Variants in NUP98 observed in about 807,000 individuals in gnomAD.
The protein encoded by NUP98 is nucleoporin 98 and 96 precursor.
A neutral mutation model predicts 191.9 loss-of-function variants in NUP98; 26 were observed. The ratio of observed to expected loss-of-function variants is 0.14; its 90% confidence interval spans 0.10 to 0.19. The LOEUF (loss-of-function observed/expected upper bound fraction) is 0.19, where lower values mean the gene tolerates loss of function less well. Among genes scored for constraint, NUP98 ranks in the 10% least tolerant of loss-of-function variants. The pLI is 1.00. For missense variants in NUP98, 1,941 were observed against 2,178.8 expected (o/e 0.89, Z 2.17); for synonymous variants, 808 against 778.4 (o/e 1.04, Z -0.63).
rs940821829 is a variant in NUP98, at chr11:3,676,495, G to A, written c.5185+14C>T. The A allele has an allele frequency of 6.2e-7, 1 of 1,609,402 alleles. No individual in the cohort carries two copies. Among genetic ancestry groups the A allele is most frequent in the African/African-American group, 1.3e-5 (1 of 74,782 alleles). On this transcript the variant is annotated intron_variant, in intron 32 of 32. Coordinates refer to ENST00000324932, the MANE Select transcript of NUP98 (RefSeq NM_016320.5). ...AGCAAGAAGGCAGAAAGAGTGAGGA[G>A]GTTAGAGGCTTACCTGACTGAGCCA...
chr11:3,794,889 A>G (rs1000090952), intron 1 of NUP98, among the ~76,000 whole-genome samples: 3 of 152,212 alleles, frequency 2.0e-5, no homozygotes, highest in Admixed American at 2.0e-4. Context: ...CTGGGATTAC[A>G]GTAGTCAGTC....
At chr11:3,699,594 C>T (rs1210413231) in intron 24 of NUP98, among the ~76,000 whole-genome samples, 1 of 152,144 alleles carries the variant, frequency 6.6e-6, no homozygotes, top group Non-Finnish European at 1.5e-5. Flanking sequence ...CAAATGTAAC[C>T]GTTAAACAGG....
chr11:3,690,966 C>T (rs2078293916), intron 28 of NUP98, among the ~76,000 whole-genome samples: 1 of 152,028 alleles, frequency 6.6e-6, no homozygotes, highest in Non-Finnish European at 1.5e-5. Context: ...AAATTCTAGA[C>T]CAGCAAAACT....
chr11:3,690,604 A>G (rs780530169), intron 28 of NUP98, among the ~76,000 whole-genome samples: 34 of 152,294 alleles, frequency 2.2e-4, no homozygotes, highest in South Asian at 1.0e-3. Flanking sequence ...TCACATATAC[A>G]CACACAAACC....
chr11:3,676,474 A>C, intron 32 of NUP98, 35 bp downstream of exon 32: 1 of 1,606,692 alleles, frequency 6.2e-7, no homozygotes, highest in Non-Finnish European at 8.5e-7. Flanking sequence ...ACAGGAAGCA[A>C]GAAGGCAGAA....
intron 20 of NUP98, chr11:3,711,768 C>A: frequency 1.3e-6 from 1 of 763,388 alleles, no homozygotes; most frequent in South Asian, 6.2e-5. Context: ...TTTCCAGTTT[C>A]CCACATTTAT....
chr11:3,717,167 G>C (rs1485892211), intron 18 of NUP98, among the ~76,000 whole-genome samples: 1 of 152,052 alleles, frequency 6.6e-6, no homozygotes, highest in Non-Finnish European at 1.5e-5. Context: ...GCGAATTTTT[G>C]TATTTTTAGT....
chr11:3,701,353 G>C (rs1431774301), intron 23 of NUP98, among the ~76,000 whole-genome samples: 1 of 149,872 alleles, frequency 6.7e-6, no homozygotes, highest in East Asian at 2.0e-4. Flanking sequence ...TCTGCCTCCT[G>C]GGTTCAAGGG....
intron 11 of NUP98, 76 bp from the exon 12 acceptor site, chr11:3,744,725 A>T: frequency 6.7e-7 from 1 of 1,499,384 alleles, no homozygotes; most frequent in South Asian, 1.3e-5. Context: ...GTTACTTAAA[A>T]ATATAATACA....
chr11:3,779,089 A>T, intron 3 of NUP98, 40 bp from the exon 4 acceptor site: 1 of 1,613,396 alleles, frequency 6.2e-7, no homozygotes, highest in Non-Finnish European at 8.5e-7. Flanking sequence ...TAAGTACATC[A>T]GAGCCACTAA....
At position 3,714,081 on chromosome 11, in the gene NUP98, T is replaced by C. The variant is rs1209480485; in HGVS notation, c.2400-86A>G. The stretch of plus-strand genomic sequence containing the variant: ...AGAAAGCCACCTAACACATAAATAG[T>C]GAATAATGGTAACTATGCTGCCTTG... On this transcript the variant is annotated intron_variant, in intron 18 of 32. Coordinates refer to ENST00000324932, the MANE Select transcript of NUP98 (RefSeq NM_016320.5). 4 of 1,258,842 alleles carry C rather than the reference T, an allele frequency of 3.2e-6. No individual in the cohort carries two copies. The Middle Eastern group carries it at 5.7e-4, about 179-fold the overall frequency. 78.0% of individuals were successfully genotyped at this position (1,258,842 alleles called of 1,614,324 possible). A position where few individuals can be genotyped will look rare whatever the true frequency, so the allele number is the denominator to read the frequency against.
chr11:3,742,751 T>TAGGGAA (rs2080331710), intron 12 of NUP98, among the ~76,000 whole-genome samples: 2 of 127,510 alleles, frequency 1.6e-5, no homozygotes, highest in African/African-American at 5.9e-5. Context: ...AATAAAAACA[T>TAGGGAA]AGGGAAAGGT....
At chr11:3,686,325 C>G (rs923760499) in intron 28 of NUP98, 131 bp from the exon 29 acceptor site, 3 of 727,716 alleles carry the variant, frequency 4.1e-6, no homozygotes, top group Non-Finnish European at 6.8e-6. Flanking sequence ...TTCTCTCCCT[C>G]TGAGCCTATG....
intron 8 of NUP98, among the ~76,000 whole-genome samples, chr11:3,764,070 T>C (rs370112944): frequency 6.6e-6 from 1 of 152,210 alleles, no homozygotes; most frequent in Admixed American, 6.5e-5. Context: ...CCATCCCTAC[T>C]ATCTAAATTC....
chr11:3,733,991 T>C (rs993861600), intron 13 of NUP98, among the ~76,000 whole-genome samples: 5 of 152,190 alleles, frequency 3.3e-5, no homozygotes, highest in African/African-American at 9.6e-5. Context: ...TTGCTTCTAG[T>C]ATCTAGTTTA....
rs1564896338 is a variant in NUP98, at chr11:3,760,625, G to T, written c.1088C>A (p.Thr363Asn). The T allele has an allele frequency of 1.2e-6, 2 of 1,610,090 alleles. No individual in the cohort carries two copies. Among genetic ancestry groups the T allele is most frequent in the Non-Finnish European group, 8.5e-7 (1 of 1,178,420 alleles). The change falls in exon 10 of 33, where the codon ACC becomes AAC. Residue 363 changes from threonine (T) to asparagine (N), a missense_variant and splice_region_variant. Physicochemically the swap from Thr to Asn is moderately conservative, Grantham distance 65. Transcript: ENST00000324932. ...AGTAAGCTTGTTATTGCCAAACAGG[G>T]TCTAAAAAGAATAGAATACAGGAAA... Reference protein sequence around the residue: ...TNTGFGAVGSTLFGNNKLTTF... With the variant: ...TNTGFGAVGSNLFGNNKLTTF...
At chr11:3,750,150 G>T (rs958948461) in intron 11 of NUP98, among the ~76,000 whole-genome samples, 2 of 152,164 alleles carry the variant, frequency 1.3e-5, no homozygotes, top group African/African-American at 4.8e-5. Flanking sequence ...ATTTTTTTTA[G>T]GAATGAGACT....
chr11:3,760,900 C>T (rs2081142778), intron 9 of NUP98, among the ~76,000 whole-genome samples: 1 of 152,122 alleles, frequency 6.6e-6, no homozygotes, highest in Admixed American at 6.5e-5. Flanking sequence ...AACCAGATTT[C>T]AGTGAGGCAA....
At chr11:3,769,575 CAAAAAAAAAAAAAA>C (rs34035817) in intron 7 of NUP98, among the ~76,000 whole-genome samples, 1 of 61,694 alleles carries the variant, frequency 1.6e-5, no homozygotes, top group South Asian at 6.3e-4. Flanking sequence ...GATTCTGTCT[CAAAAAAAAAAAAAA>C]AAAAAAAAGC....
Sources: allele counts gnomAD v4.1 joint callset (sites outside exome capture counted in the v4.1 genomes callset), GRCh38; gene constraint gnomAD v4.1.1; transcripts MANE v1.5; gene names NCBI Gene and HGNC (gene_info 2026-07-23, HGNC 2026-07-21).